The following MYO3B variants were observed in gnomAD, a reference collection of about 807,000 sequenced individuals.
MYO3B encodes the protein myosin-IIIb.
MYO3B carries 156 observed loss-of-function variants against 174.6 expected under a neutral mutation model. The observed-to-expected ratio is 0.89, with a 90% CI of 0.78 to 1.02. MYO3B has a LOEUF of 1.02. MYO3B is among the 50% of genes least tolerant of loss of function. The pLI is 0.00. For synonymous variants in MYO3B, 563 were observed against 569.1 expected, an observed-to-expected ratio of 0.99 and a Z score of 0.15; for missense variants, 1,632 against 1,639.4, an observed-to-expected ratio of 1.00 and a Z score of 0.08.
intron 32 of MYO3B, among the ~76,000 whole-genome samples, chr2:170,614,183 C>G (rs1364984354): frequency 6.6e-6 from 1 of 152,140 alleles, no homozygotes; most frequent in African/African-American, 2.4e-5. Context: ...TGGCTCAACT[C>G]TCTGCTGCTT....
intron 32 of MYO3B, among the ~76,000 whole-genome samples, chr2:170,639,130 C>T (rs1185263903): frequency 6.6e-6 from 1 of 152,204 alleles, no homozygotes; most frequent in Non-Finnish European, 1.5e-5. Flanking sequence ...CTTAAAATGT[C>T]GTTCCAATCT....
At chr2:170,568,917 G>A (rs772092119) in intron 32 of MYO3B, among the ~76,000 whole-genome samples, 1 of 151,946 alleles carries the variant, frequency 6.6e-6, no homozygotes, top group East Asian at 1.9e-4. Flanking sequence ...TTAGGGAAAA[G>A]GTCTACAAAA....
At chr2:170,456,279 G>T (rs1200097982) in intron 23 of MYO3B, among the ~76,000 whole-genome samples, 1 of 152,214 alleles carries the variant, frequency 6.6e-6, no homozygotes, top group Non-Finnish European at 1.5e-5. Flanking sequence ...GGACAAGTCT[G>T]TCCAGTTGTG....
chr2:170,219,569 G>A (rs572743491), intron 6 of MYO3B, among the ~76,000 whole-genome samples: 3 of 152,082 alleles, frequency 2.0e-5, no homozygotes, highest in South Asian at 4.2e-4. Flanking sequence ...GTTTGAACCC[G>A]GGAGGCAGAG....
At chr2:170,375,351 G>C (rs573290629) in intron 9 of MYO3B, among the ~76,000 whole-genome samples, 1 of 152,222 alleles carries the variant, frequency 6.6e-6, no homozygotes, top group South Asian at 2.1e-4. Context: ...GATTGTCTCT[G>C]CCACGACCAT....
chr2:170,543,013 G>C, intron 31 of MYO3B, 47 bp downstream of exon 31: 1 of 1,493,652 alleles, frequency 6.7e-7, no homozygotes, highest in Non-Finnish European at 9.3e-7. Flanking sequence ...CACTCCTTCA[G>C]ACTCATCCAA....
intron 30 of MYO3B, among the ~76,000 whole-genome samples, chr2:170,526,303 T>C (rs1005720438): frequency 6.6e-6 from 1 of 152,198 alleles, no homozygotes; most frequent in African/African-American, 2.4e-5. Context: ...TAAGAGATTA[T>C]GGCAAGCTGT....
intron 7 of MYO3B, chr2:170,334,995 C>A: frequency 6.0e-6 from 1 of 167,146 alleles, no homozygotes; most frequent in Admixed American, 6.2e-5. Flanking sequence ...TCTGAAAATC[C>A]TGTACAATTA....
chr2:170,573,342 A>C (rs1481181097), intron 32 of MYO3B, among the ~76,000 whole-genome samples: 1 of 152,020 alleles, frequency 6.6e-6, no homozygotes, highest in Non-Finnish European at 1.5e-5. Flanking sequence ...TTGTGAATCA[A>C]AGTACAAGAA....
At chr2:170,508,985 G>C (rs534807011) in intron 28 of MYO3B, among the ~76,000 whole-genome samples, 1 of 151,246 alleles carries the variant, frequency 6.6e-6, no homozygotes, top group East Asian at 1.9e-4. Context: ...TTCCCTCTCT[G>C]TACTCCCTTC....
rs1687288803 is a variant in MYO3B at position 170,501,818 on chromosome 2, A to G, written c.3323A>G (p.Lys1108Arg). 1 of 1,613,102 alleles carries G rather than the reference A, an allele frequency of 6.2e-7. No homozygotes were observed. The highest frequency in any genetic ancestry group is 1.7e-5 in the Admixed American group (1 of 59,998). ...GGATATGATGCTCGGAGGAAATTTA[A>G]GAAAATAAGCAACAGAAGGAATGAG... is the stretch of plus-strand genomic sequence containing the variant. ...WRGYDARRKF[K>R]KISNRRNESA... Residue 1108 changes from lysine (K) to arginine (R), a missense_variant, in exon 28 of 35, where the codon AAG becomes AGG. Lys to Arg is a conservative substitution (Grantham distance 26). Transcript: ENST00000408978.
rs952978229 is a variant in MYO3B, at chr2:170,553,813, G to A, written c.3733+9825G>A. Among the ~76,000 whole-genome samples the A allele has an allele frequency of 2.6e-5, 4 of 152,314 alleles. No homozygotes were observed. In the South Asian group the frequency reaches 8.3e-4, roughly 32 times the overall value. Reference sequence around the variant, plus strand: ...TGTTGGGAGAGAGACCTGGTGGGAGGTGATTGGATCATGGGGGCGGATTTC... The same window carrying A: ...TGTTGGGAGAGAGACCTGGTGGGAGATGATTGGATCATGGGGGCGGATTTC... On this transcript the variant is annotated intron_variant, in intron 32 of 34. Transcript: ENST00000408978.
intron 23 of MYO3B, among the ~76,000 whole-genome samples, chr2:170,444,328 G>A (rs2094824818): frequency 6.6e-6 from 1 of 152,216 alleles, no homozygotes; most frequent in Admixed American, 6.5e-5. Flanking sequence ...CAGCAAGCTA[G>A]TGGACCAAAT....
At chr2:170,362,545 A>G (rs13019430) in intron 8 of MYO3B, among the ~76,000 whole-genome samples, 65,294 of 152,010 alleles carry the variant, frequency 0.43, 16,871 homozygotes, top group Admixed American at 0.59. Context: ...TTCCTGTTCA[A>G]AAGCTCTCCA....
In MYO3B at chr2:170,572,444, A is replaced by G. The variant is rs541075032; in HGVS notation, c.3733+28456A>G. Among the ~76,000 whole-genome samples the G allele has an allele frequency of 3.4e-3, 504 of 148,478 alleles. 2 individuals are homozygous for G. Among genetic ancestry groups the G allele is most frequent in the Middle Eastern group, 0.01 (3 of 286 alleles). ...CTCTGTCTCAAAAAAAAAAAAACCCATCTCTACAAAAAATACAAAAATTAG... is the reference window on the plus strand; with the variant it reads ...CTCTGTCTCAAAAAAAAAAAAACCCGTCTCTACAAAAAATACAAAAATTAG... On this transcript the variant is annotated intron_variant, in intron 32 of 34. Coordinates refer to ENST00000408978, the MANE Select transcript of MYO3B (RefSeq NM_138995.5).
chr2:170,374,190 T>C (rs1045391110), intron 9 of MYO3B, among the ~76,000 whole-genome samples: 2 of 152,160 alleles, frequency 1.3e-5, no homozygotes. Flanking sequence ...TTCTTCAGGC[T>C]AGAGACTGAC....
intron 30 of MYO3B, among the ~76,000 whole-genome samples, chr2:170,538,687 G>A (rs936854214): frequency 2.6e-5 from 4 of 152,148 alleles, no homozygotes; most frequent in Non-Finnish European, 5.9e-5. Context: ...GGTTCTCAAC[G>A]GTGACTGAGA....
intron 32 of MYO3B, among the ~76,000 whole-genome samples, chr2:170,570,276 G>C (rs1363351998): frequency 1.3e-5 from 2 of 152,178 alleles, no homozygotes; most frequent in Non-Finnish European, 2.9e-5. Flanking sequence ...GATGTTTAGA[G>C]GGAAAGGAGA....
chr2:170,504,434 C>T (rs1356995126), intron 28 of MYO3B, among the ~76,000 whole-genome samples: 1 of 152,194 alleles, frequency 6.6e-6, no homozygotes, highest in Non-Finnish European at 1.5e-5. Flanking sequence ...CCTTTCATCT[C>T]CTTCCCAATA....
Sources: allele counts gnomAD v4.1 joint callset (sites outside exome capture counted in the v4.1 genomes callset), GRCh38; gene constraint gnomAD v4.1.1; transcripts MANE v1.5; gene names NCBI Gene and HGNC (gene_info 2026-07-23, HGNC 2026-07-21).